The following QSER1 variants were observed in gnomAD, a reference collection of about 807,000 sequenced individuals.
The protein encoded by QSER1 is glutamine and serine rich 1.
In QSER1, 49 loss-of-function variants were observed where a neutral mutation model predicts 158.5. That is an observed-to-expected ratio of 0.31 (90% CI 0.25 to 0.39). The LOEUF (loss-of-function observed/expected upper bound fraction) is 0.39, where lower values mean the gene tolerates loss of function less well. Ranked by LOEUF, QSER1 falls within the 10% of genes least tolerant of loss-of-function variation. The probability of loss-of-function intolerance (pLI) is 1.00; values close to 1 mark genes in which losing one functional copy is unlikely to be tolerated. For missense variants in QSER1, 1,754 were observed against 2,010.3 expected, an observed-to-expected ratio of 0.87 and a Z score of 2.44; for synonymous variants, 650 against 715.5, an observed-to-expected ratio of 0.91 and a Z score of 1.46.
chr11:32,903,959 T>C (rs776035054), intron 1 of QSER1, among the ~76,000 whole-genome samples: 49 of 152,150 alleles, frequency 3.2e-4, no homozygotes, highest in Non-Finnish European at 6.2e-4. Context: ...ACAAGTTTTG[T>C]AAAAAACTTA....
chr11:32,962,935 A>C (rs780397045), intron 8 of QSER1, among the ~76,000 whole-genome samples: 33 of 152,276 alleles, frequency 2.2e-4, no homozygotes, highest in Admixed American at 8.5e-4. Flanking sequence ...CATTCTTTCA[A>C]ATAAAAATCT....
chr11:32,959,574 A>T (rs1852584777), intron 8 of QSER1, among the ~76,000 whole-genome samples: 1 of 152,162 alleles, frequency 6.6e-6, no homozygotes, highest in Non-Finnish European at 1.5e-5. Flanking sequence ...TGAGATATTC[A>T]GGATGTAATT....
At chr11:32,938,253 C>T (rs565249865) in intron 4 of QSER1, among the ~76,000 whole-genome samples, 137 of 152,192 alleles carry the variant, frequency 9.0e-4, no homozygotes, top group Non-Finnish European at 1.5e-3. Context: ...ACATAAAGAA[C>T]GTCATGCACA....
At chr11:32,912,894 C>T (rs1467012453) in intron 1 of QSER1, among the ~76,000 whole-genome samples, 1 of 152,152 alleles carries the variant, frequency 6.6e-6, no homozygotes, top group Non-Finnish European at 1.5e-5. Context: ...GCCTGGGCAA[C>T]AGAGCAAGTC....
rs538236290 is a variant in QSER1, at chr11:32,903,900, C to G, written c.209+10566C>G. 2.0e-5 allele frequency among the ~76,000 whole-genome samples: 3 copies of G among 152,300 alleles called. No homozygotes were observed. The South Asian group carries it at 6.2e-4, about 32-fold the overall frequency. ...GTGCTGGGATTACAGGCATGAACCA[C>G]CACACCCAGCCCCAGTAAGTTTCTT... On this transcript the variant is annotated intron_variant, in intron 1 of 12. Transcript: ENST00000650167.
intron 8 of QSER1, among the ~76,000 whole-genome samples, chr11:32,965,874 G>A (rs1852733042): frequency 6.6e-6 from 1 of 150,932 alleles, no homozygotes. Flanking sequence ...CTAGGAGGCG[G>A]AGGTTGCAGT....
intron 1 of QSER1, among the ~76,000 whole-genome samples, chr11:32,898,327 A>G (rs1456704894): frequency 1.3e-5 from 2 of 152,160 alleles, no homozygotes; most frequent in Non-Finnish European, 2.9e-5. Context: ...CAAAAAATAA[A>G]TAGAAAAAAT....
chr11:32,955,384 G>T lies in QSER1; in HGVS notation c.4589G>T (p.Gly1530Val). ...LQKFVPEIRD[G>V]QREFAATNSY... ...AAATTTGTTCCTGAAATTCGAGATG[G>T]TCAAAGAGAATTTGCTGCTACAAAT... The change falls in exon 6 of 13, where the codon GGT (glycine) becomes GTT (valine). Residue 1530 changes from glycine (G) to valine (V), a missense_variant. Coordinates refer to ENST00000650167, the MANE Select transcript of QSER1 (RefSeq NM_001076786.3). 1 of 1,591,156 alleles carries T rather than the reference G, an allele frequency of 6.3e-7. No individual in the cohort carries two copies. The highest frequency in any genetic ancestry group is 8.6e-7 in the Non-Finnish European group (1 of 1,168,096).
rs1851506023 is a variant in QSER1, at chr11:32,893,215, C to A, written c.90C>A (p.Ala30=). 1 of 148,728 alleles carries A rather than the reference C, an allele frequency of 6.7e-6. No individual in the cohort carries two copies. Among genetic ancestry groups the A allele is most frequent in the African/African-American group, 2.5e-5 (1 of 40,434 alleles). 9.2% of individuals were successfully genotyped at this position (148,728 alleles called of 1,614,324 possible). Residue 30 remains alanine, a synonymous_variant, in exon 1 of 13, where the codon GCC becomes GCA. Transcript: ENST00000650167. The surrounding 1 kb of genome is among the most constrained non-coding windows in gnomAD (Gnocchi z 4.7). ...CCGCCGCCCCCGTCCCCGCCAGCGCCGCTGCGCAGCCCCCCGCCCCAGCCT... is the reference window on the plus strand; with the variant it reads ...CCGCCGCCCCCGTCCCCGCCAGCGCAGCTGCGCAGCCCCCCGCCCCAGCCT... ...APPAAPVPAS[A]AAQPPAPAWA... is the part of the protein sequence containing the mutation.
chr11:32,972,777 C>T (rs1041816216), intron 10 of QSER1, among the ~76,000 whole-genome samples: 1 of 152,120 alleles, frequency 6.6e-6, no homozygotes, highest in Non-Finnish European at 1.5e-5. Context: ...GGTTTTGCCA[C>T]ATAACCACTG....
At chr11:32,952,181 T>C (rs1041000362) in intron 4 of QSER1, among the ~76,000 whole-genome samples, 1 of 152,214 alleles carries the variant, frequency 6.6e-6, no homozygotes, top group African/African-American at 2.4e-5. Context: ...TCTGCAAATA[T>C]AGCTTTGCTT....
Position 32,966,301 on chromosome 11 carries a change from AT to A in QSER1, c.4974del (p.Phe1658LeufsTer12). On this transcript the variant is annotated frameshift_variant and splice_region_variant, in exon 9 of 13. Transcript: ENST00000650167. LOFTEE classifies it high-confidence loss of function. ...TATTTAACCCTTTCTCCCTCCCAGA[AT>A]TTGAACCTCCCGCTCCCTTTGTCAC... The part of the protein sequence containing the change: ...IHTSSSDDEE[F>X]EPPAPFVTRF... 2 of 1,611,082 alleles carry A rather than the reference AT, an allele frequency of 1.2e-6. No individual in the cohort carries two copies. The highest frequency in any genetic ancestry group is 1.7e-6 in the Non-Finnish European group (2 of 1,179,180).
intron 7 of QSER1, 157 bp from the exon 8 acceptor site, chr11:32,957,712 C>A: frequency 1.7e-6 from 1 of 602,240 alleles, no homozygotes; most frequent in Non-Finnish European, 2.8e-6. Flanking sequence ...TTATGGGAAT[C>A]ACCATTGAGA....
chr11:32,955,968 C>CA lies in QSER1; in HGVS notation c.4618-17dup. On this transcript the variant is annotated intron_variant, in intron 6 of 12. Transcript: ENST00000650167. ...ATCTAGATTGTTCAATTATGTAACT[C>CA]AAAGTGTTTCCTTCCTCAGTATCTT... 6.3e-7 allele frequency: 1 copy of CA among 1,591,874 alleles called. No individual in the cohort carries two copies. Among genetic ancestry groups the CA allele is most frequent in the Middle Eastern group, 1.7e-4 (1 of 5,940 alleles).
Position 32,932,861 on chromosome 11 carries a change from A to G in QSER1, c.1603A>G (p.Thr535Ala). The change falls in exon 4 of 13, where the codon ACA (threonine) becomes GCA (alanine). Residue 535 changes from threonine to alanine, a missense_variant. Coordinates refer to ENST00000650167, the MANE Select transcript of QSER1 (RefSeq NM_001076786.3). Reference protein sequence around the residue: ...SNQQEVLSSVTNENYPAQTRD... With the variant: ...SNQQEVLSSVANENYPAQTRD... ...TCAGCAAGAGGTATTGTCTTCAGTT[A>G]CAAATGAGAATTACCCTGCTCAAAC... 6.2e-7 allele frequency: 1 copy of G among 1,614,138 alleles called. No individual in the cohort carries two copies. The highest frequency in any genetic ancestry group is 8.5e-7 in the Non-Finnish European group (1 of 1,180,010).
At chr11:32,912,647 G>T (rs1309875569) in intron 1 of QSER1, among the ~76,000 whole-genome samples, 3 of 152,158 alleles carry the variant, frequency 2.0e-5, no homozygotes, top group African/African-American at 7.2e-5. Flanking sequence ...AGTGGCTCAC[G>T]CCTTTAATCC....
chr11:32,931,694 A>G, intron 3 of QSER1, 49 bp from the exon 4 acceptor site: 2 of 1,390,714 alleles, frequency 1.4e-6, no homozygotes. Flanking sequence ...GAAAACATAA[A>G]GTAATTGTGC....
intron 1 of QSER1, among the ~76,000 whole-genome samples, chr11:32,923,090 C>T (rs1298686982): frequency 6.6e-6 from 1 of 152,174 alleles, no homozygotes; most frequent in East Asian, 1.9e-4. Flanking sequence ...GTGGTACAAC[C>T]ATGCAATGGA....
intron 1 of QSER1, among the ~76,000 whole-genome samples, chr11:32,898,482 T>A (rs1296660858): frequency 1.4e-5 from 2 of 142,948 alleles, no homozygotes; most frequent in African/African-American, 2.6e-5. Context: ...TGAGAACCTG[T>A]CACACACACA....
Sources: allele counts gnomAD v4.1 joint callset (sites outside exome capture counted in the v4.1 genomes callset), GRCh38; gene constraint gnomAD v4.1.1; non-coding constraint Gnocchi (gnomAD v3.1); transcripts MANE v1.5; gene names NCBI Gene and HGNC (gene_info 2026-07-23, HGNC 2026-07-21).